CTNNA3: variants seen among roughly 807,000 people sequenced by gnomAD.
CTNNA3 encodes catenin alpha 3, also known as catenin alpha-3.
Under a neutral mutation model 95.7 loss-of-function variants are expected in CTNNA3, and 76 were observed. The observed-to-expected ratio is 0.79, with a 90% CI of 0.66 to 0.96. The LOEUF (loss-of-function observed/expected upper bound fraction) is 0.96, where lower values mean the gene tolerates loss of function less well. Ranked by LOEUF, CTNNA3 falls within the 40% of genes least tolerant of loss-of-function variation. The pLI is 0.00. For missense variants in CTNNA3, 1,191 were observed against 1,089.8 expected (o/e 1.09, Z -1.31); for synonymous variants, 431 against 374.4 (o/e 1.15, Z -1.74).
intron 7 of CTNNA3, among the ~76,000 whole-genome samples, chr10:67,000,357 T>C (rs1166773767): frequency 1.3e-5 from 2 of 152,182 alleles, no homozygotes; most frequent in Admixed American, 6.5e-5. Flanking sequence ...AGACAGCTGA[T>C]GACGAAAGTT....
chr10:66,147,539 A>C (rs1381474605), intron 13 of CTNNA3, among the ~76,000 whole-genome samples: 1 of 150,808 alleles, frequency 6.6e-6, no homozygotes, highest in Non-Finnish European at 1.5e-5. Flanking sequence ...AAGGCTACAT[A>C]ATACTCCATA....
intron 5 of CTNNA3, among the ~76,000 whole-genome samples, chr10:67,231,773 G>A (rs1865224921): frequency 6.6e-6 from 1 of 152,132 alleles, no homozygotes; most frequent in East Asian, 1.9e-4. Context: ...AAAAAATTTA[G>A]AAGAATGTAT....
At chr10:66,494,555 G>A (rs1340197591) in intron 11 of CTNNA3, among the ~76,000 whole-genome samples, 1 of 152,082 alleles carries the variant, frequency 6.6e-6, no homozygotes, top group Non-Finnish European at 1.5e-5. Flanking sequence ...TATGACATTG[G>A]GTAATAGGCC....
At chr10:66,688,847 G>T (rs1259525123) in intron 9 of CTNNA3, among the ~76,000 whole-genome samples, 1 of 151,552 alleles carries the variant, frequency 6.6e-6, no homozygotes, top group Admixed American at 6.6e-5. Flanking sequence ...GGTGGCGGGC[G>T]CCTGTAATCC....
chr10:67,002,432 T>C (rs1382281664), intron 7 of CTNNA3, among the ~76,000 whole-genome samples: 5 of 152,162 alleles, frequency 3.3e-5, no homozygotes, highest in Non-Finnish European at 7.4e-5. Context: ...ATAGGAAAAG[T>C]AATGCTTTCT....
intron 1 of CTNNA3, chr10:67,751,073 T>G: frequency 6.8e-7 from 1 of 1,460,450 alleles, no homozygotes; most frequent in Middle Eastern, 1.7e-4. Context: ...TCCCCAAGTC[T>G]GTGACACCAG....
chr10:66,470,283 G>A (rs755448847), intron 11 of CTNNA3, among the ~76,000 whole-genome samples: 2 of 151,798 alleles, frequency 1.3e-5, no homozygotes, highest in Non-Finnish European at 2.9e-5. Context: ...CATGAAAGGG[G>A]AACGCACGAA....
chr10:67,141,820 C>A (rs1004795227), intron 7 of CTNNA3, among the ~76,000 whole-genome samples: 2 of 151,994 alleles, frequency 1.3e-5, no homozygotes, highest in African/African-American at 4.8e-5. Context: ...AACTGGAAAG[C>A]ATTTTATATA....
chr10:66,290,164 G>T (rs937480042), intron 12 of CTNNA3, among the ~76,000 whole-genome samples: 5 of 151,958 alleles, frequency 3.3e-5, no homozygotes, highest in Admixed American at 2.6e-4. Context: ...GAGAAGTAGA[G>T]ATTTATTTTT....
At chr10:66,080,813 G>T (rs2133642423) in intron 14 of CTNNA3, among the ~76,000 whole-genome samples, 1 of 152,264 alleles carries the variant, frequency 6.6e-6, no homozygotes, top group Admixed American at 6.5e-5. Flanking sequence ...GACCATCTGT[G>T]TTTGCTAAAT....
chr10:67,127,795 A>C (rs538778185), intron 7 of CTNNA3, among the ~76,000 whole-genome samples: 8 of 152,180 alleles, frequency 5.3e-5, no homozygotes, highest in Non-Finnish European at 1.0e-4. Context: ...TTTCTTCTAC[A>C]CTCTGACTTA....
chr10:66,892,276 T>C (rs982436610), intron 7 of CTNNA3, among the ~76,000 whole-genome samples: 21 of 152,110 alleles, frequency 1.4e-4, no homozygotes, highest in Admixed American at 1.3e-4. Context: ...CAAAATGCAA[T>C]GTGTTCCTTT....
intron 5 of CTNNA3, among the ~76,000 whole-genome samples, chr10:67,234,011 G>T (rs1461615557): frequency 1.3e-5 from 2 of 152,152 alleles, no homozygotes; most frequent in Non-Finnish European, 2.9e-5. Context: ...TGAAATTGTG[G>T]CAATAATCAA....
chr10:67,185,626 C>T (rs1862801808), intron 6 of CTNNA3, among the ~76,000 whole-genome samples: 1 of 152,156 alleles, frequency 6.6e-6, no homozygotes, highest in African/African-American at 2.4e-5. Flanking sequence ...AGGCTTCATT[C>T]ATCTAAGTCT....
At chr10:66,448,662 C>A in intron 11 of CTNNA3, among the ~76,000 whole-genome samples, 1 of 144,514 alleles carries the variant, frequency 6.9e-6, no homozygotes, top group Non-Finnish European at 1.5e-5. Context: ...GAACATCACA[C>A]TTCAAGGACT....
intron 6 of CTNNA3, 39 bp downstream of exon 6, chr10:67,219,568 T>TA (rs752343487): frequency 6.3e-7 from 1 of 1,581,390 alleles, no homozygotes; most frequent in Admixed American, 1.7e-5. Flanking sequence ...ATTACTGTAT[T>TA]AGGACATCAG....
At chr10:67,074,235 T>C (rs1856618599) in intron 7 of CTNNA3, among the ~76,000 whole-genome samples, 1 of 151,696 alleles carries the variant, frequency 6.6e-6, no homozygotes, top group Non-Finnish European at 1.5e-5. Context: ...GTTTCACCAT[T>C]TGGCCAGGAT....
intron 7 of CTNNA3, among the ~76,000 whole-genome samples, chr10:66,907,483 G>A (rs1382788629): frequency 1.3e-5 from 2 of 152,068 alleles, no homozygotes; most frequent in Non-Finnish European, 2.9e-5. Flanking sequence ...GCTGACAACT[G>A]TATTGAAAGG....
chr10:67,231,005 A>C (rs1325954809), intron 5 of CTNNA3, among the ~76,000 whole-genome samples: 1 of 152,126 alleles, frequency 6.6e-6, no homozygotes, highest in African/African-American at 2.4e-5. Context: ...TGTGTCCCGC[A>C]CCTGGCTGGG....
Sources: gnomAD v4.1 joint callset for allele counts (sites outside exome capture counted in the v4.1 genomes callset) on GRCh38, gnomAD v4.1.1 for gene constraint, MANE v1.5 for transcripts, NCBI Gene and HGNC (gene_info 2026-07-23, HGNC 2026-07-21) for gene names.